SLC40A1: variants seen among roughly 807,000 people sequenced by gnomAD.
SLC40A1 encodes solute carrier family 40 member 1.
A neutral mutation model predicts 53.5 loss-of-function variants in SLC40A1; 16 were observed. The observed-to-expected ratio is 0.30, with a 90% confidence interval of 0.20 to 0.45. SLC40A1 has a LOEUF of 0.45. SLC40A1 is among the 20% of genes least tolerant of loss of function. SLC40A1 has a pLI of 1.00. For synonymous variants in SLC40A1, 247 were observed against 253.2 expected (o/e 0.98, Z 0.23); for missense variants, 545 against 695.4 (o/e 0.78, Z 2.43).
chr2:189,580,624 A>G lies in SLC40A1; in HGVS notation c.-164T>C, dbSNP rs953655979. The G allele has an allele frequency of 5.5e-5, 85 of 1,538,692 alleles. No homozygotes were observed. Among genetic ancestry groups the G allele is most frequent in the Non-Finnish European group, 7.1e-5 (82 of 1,147,978 alleles). On this transcript the variant is annotated 5_prime_UTR_variant, in exon 1 of 8. Coordinates refer to ENST00000261024, the MANE Select transcript of SLC40A1 (RefSeq NM_014585.6). ...CGACGACTTTGGCAAAGAACAAAAG[A>G]AAAGGGGCCCAGGGATTTTCTTTTT...
chr2:189,577,688 C>T (rs1405701434), intron 2 of SLC40A1, among the ~76,000 whole-genome samples: 1 of 147,960 alleles, frequency 6.8e-6, no homozygotes, highest in African/African-American at 2.5e-5. Flanking sequence ...GATCACAGCT[C>T]ACTGCAGCTT....
Position 189,580,544 on chromosome 2 carries a change from G to C in SLC40A1, c.-84C>G, listed in dbSNP as rs995432296. The C allele has an allele frequency of 6.2e-7, 1 of 1,606,990 alleles. No homozygotes were observed. Among genetic ancestry groups the C allele is most frequent in the Non-Finnish European group, 8.5e-7 (1 of 1,179,670 alleles). The stretch of plus-strand genomic sequence containing the variant: ...GAGGTGCTTGTTAACAGGAGTGCAA[G>C]GAACTGGAGATAGCACCTCTAAAAA... On this transcript the variant is annotated 5_prime_UTR_variant, in exon 1 of 8. Coordinates refer to ENST00000261024, the MANE Select transcript of SLC40A1 (RefSeq NM_014585.6).
rs777469896 is a variant in SLC40A1, at chr2:189,579,795, C to CTA, written c.111+16_111+17dup. The CTA allele has an allele frequency of 1.2e-6, 2 of 1,607,818 alleles. No homozygotes were observed. The highest frequency in any genetic ancestry group is 1.7e-6 in the Non-Finnish European group (2 of 1,174,348). ...AAAATTGCGCAACTGTGTTGTAAGA[C>CTA]TATGCATTCTCACTTACCCAAGTAG... On this transcript the variant is annotated intron_variant, in intron 2 of 7. Coordinates refer to ENST00000261024, the MANE Select transcript of SLC40A1 (RefSeq NM_014585.6).
chr2:189,562,796 G>C (rs910519010), intron 7 of SLC40A1, among the ~76,000 whole-genome samples: 2 of 151,806 alleles, frequency 1.3e-5, no homozygotes, highest in Non-Finnish European at 2.9e-5. Flanking sequence ...TTCCTTCCAG[G>C]GCTATAAAAT....
Position 189,570,888 on chromosome 2 carries a change from C to A in SLC40A1, c.514+827G>T, listed in dbSNP as rs138786528. 2.0e-4 allele frequency among the ~76,000 whole-genome samples: 30 copies of A among 152,264 alleles called. No individual in the cohort carries two copies. In the East Asian group the frequency reaches 2.9e-3, roughly 15 times the overall value. Reference sequence around the variant, plus strand: ...ACAGTTGGGCAATGTGTTTGTTATACCCATTATCTCAGTGATCAGCAGAGT... The same window carrying A: ...ACAGTTGGGCAATGTGTTTGTTATAACCATTATCTCAGTGATCAGCAGAGT... On this transcript the variant is annotated intron_variant, in intron 5 of 7. Coordinates refer to ENST00000261024, the MANE Select transcript of SLC40A1 (RefSeq NM_014585.6).
At chr2:189,562,882 C>G (rs1172563786) in intron 7 of SLC40A1, among the ~76,000 whole-genome samples, 2 of 151,910 alleles carry the variant, frequency 1.3e-5, no homozygotes, top group East Asian at 3.9e-4. Flanking sequence ...TTATCACTTT[C>G]ACATCTTCTT....
rs2304704 is a variant in SLC40A1 at position 189,565,451 on chromosome 2, A to G, written c.663T>C (p.Val221=). 0.62 allele frequency: 995,023 copies of G among 1,613,956 alleles called. 314,691 individuals carry two copies. Among genetic ancestry groups the G allele is most frequent in the East Asian group, 0.8 (35,975 of 44,870 alleles). Residue 221 remains valine (V), a synonymous_variant, in exon 6 of 8, where the codon GTT becomes GTC. Coordinates refer to ENST00000261024, the MANE Select transcript of SLC40A1 (RefSeq NM_014585.6). ...WNLVSMCVEY[V]LLWKVYQKTP... ...TTTTCTGGTAAACCTTCCAGAGCAGAACGTACTCCACGCACATGGATACCA... is the reference window on the plus strand; with the variant it reads ...TTTTCTGGTAAACCTTCCAGAGCAGGACGTACTCCACGCACATGGATACCA...
At chr2:189,569,715 C>T (rs2031060935) in intron 5 of SLC40A1, among the ~76,000 whole-genome samples, 1 of 152,216 alleles carries the variant, frequency 6.6e-6, no homozygotes, top group Non-Finnish European at 1.5e-5. Context: ...GCACCACTTA[C>T]TAAAAGCTAA....
At position 189,580,759 on chromosome 2, in the gene SLC40A1, G is replaced by C. The variant is rs1243962194; in HGVS notation, c.-299C>G. On this transcript the variant is annotated 5_prime_UTR_variant, in exon 1 of 8. Coordinates refer to ENST00000261024, the MANE Select transcript of SLC40A1 (RefSeq NM_014585.6). Reference sequence around the variant, plus strand: ...CGTCCGAGCCTAGCGGACGCCCTGAGCCAGCTCTCTCCGCCGCCGCCGCCG... The same window carrying C: ...CGTCCGAGCCTAGCGGACGCCCTGACCCAGCTCTCTCCGCCGCCGCCGCCG... 3.8e-6 allele frequency: 5 copies of C among 1,317,010 alleles called. No individual in the cohort carries two copies. The highest frequency in any genetic ancestry group is 4.8e-6 in the Non-Finnish European group (5 of 1,031,530). 81.6% of individuals were successfully genotyped at this position (1,317,010 alleles called of 1,614,324 possible).
intron 2 of SLC40A1, among the ~76,000 whole-genome samples, chr2:189,579,002 G>T (rs1281422883): frequency 6.6e-6 from 1 of 152,082 alleles, no homozygotes; most frequent in Non-Finnish European, 1.5e-5. Context: ...TATGAGCCAT[G>T]GACAGAATAT....
Position 189,563,706 on chromosome 2 carries a change from G to T in SLC40A1, c.1280C>A (p.Thr427Lys). Residue 427 changes from threonine to lysine, a missense_variant, in exon 7 of 8, where the codon ACA becomes AAA. Around this residue, in one of 4 missense-constraint regions of SLC40A1, gnomAD observed 234 missense variants for 299.0 expected, o/e 0.78. Transcript: ENST00000261024. ...SITPTKIPEITTEIYMSNGSN... is the reference protein window; with the variant it reads ...SITPTKIPEIKTEIYMSNGSN... ...CCCATTAGACATGTATATTTCAGTT[G>T]TAATTTCAGGTATCTTGGTAGGTGT... is the stretch of plus-strand genomic sequence containing the variant. The T allele has an allele frequency of 1.9e-6, 3 of 1,614,132 alleles. No homozygotes were observed. Among genetic ancestry groups the T allele is most frequent in the Non-Finnish European group, 2.5e-6 (3 of 1,179,994 alleles).
chr2:189,561,295 G>A lies in SLC40A1; in HGVS notation c.*583C>T, dbSNP rs569348005. The A allele has an allele frequency of 6.5e-6, 1 of 153,368 alleles. No homozygotes were observed. Among genetic ancestry groups the A allele is most frequent in the South Asian group, 2.1e-4 (1 of 4,876 alleles). 9.5% of individuals were successfully genotyped at this position (153,368 alleles called of 1,614,324 possible). A position where few individuals can be genotyped will look rare whatever the true frequency, so the allele number is the denominator to read the frequency against. On this transcript the variant is annotated 3_prime_UTR_variant, in exon 8 of 8. Transcript: ENST00000261024. ...CCCATCTGATAATAAAAATACAAAGGTGCTCTTTAAGCTAAACCATAAACC... is the reference window on the plus strand; with the variant it reads ...CCCATCTGATAATAAAAATACAAAGATGCTCTTTAAGCTAAACCATAAACC...
intron 3 of SLC40A1, among the ~76,000 whole-genome samples, chr2:189,574,475 G>A (rs939861999): frequency 6.6e-6 from 1 of 152,094 alleles, no homozygotes; most frequent in African/African-American, 2.4e-5. Flanking sequence ...ATCTAAGTCA[G>A]GCATGGTCAG....
chr2:189,564,834 T>C (rs1333709177), intron 6 of SLC40A1, among the ~76,000 whole-genome samples: 3 of 152,094 alleles, frequency 2.0e-5, no homozygotes, highest in South Asian at 2.1e-4. Flanking sequence ...AGCGAGACTC[T>C]GTCTCAAAAA....
chr2:189,573,513 C>T (rs1402198658), intron 3 of SLC40A1, among the ~76,000 whole-genome samples: 1 of 152,176 alleles, frequency 6.6e-6, no homozygotes, highest in Non-Finnish European at 1.5e-5. Context: ...CTACCCCTTC[C>T]ATCACAGATG....
intron 5 of SLC40A1, among the ~76,000 whole-genome samples, chr2:189,570,024 A>T (rs554594513): frequency 7.0e-6 from 1 of 142,890 alleles, no homozygotes; most frequent in Admixed American, 7.0e-5. Context: ...ACACACCTAT[A>T]TATGTATGTA....
intron 4 of SLC40A1, 60 bp downstream of exon 4, chr2:189,572,786 A>C (rs1401133795): frequency 1.2e-5 from 15 of 1,240,686 alleles, no homozygotes; most frequent in Non-Finnish European, 1.5e-5. Context: ...AAGCATTTTC[A>C]TCCTTTACCA....
At chr2:189,575,822 T>G (rs1439812) in intron 2 of SLC40A1, among the ~76,000 whole-genome samples, 33,973 of 152,128 alleles carry the variant, frequency 0.22, 4,118 homozygotes, top group Non-Finnish European at 0.27. Context: ...GATCTCCAAG[T>G]TTTCTTTCAT....
At chr2:189,562,856 C>A (rs1464957682) in intron 7 of SLC40A1, among the ~76,000 whole-genome samples, 1 of 151,870 alleles carries the variant, frequency 6.6e-6, no homozygotes, top group Non-Finnish European at 1.5e-5. Flanking sequence ...TAGAGAAGAC[C>A]TTTGAAGGAT....
Sources: allele counts gnomAD v4.1 joint callset (sites outside exome capture counted in the v4.1 genomes callset), GRCh38; gene constraint gnomAD v4.1.1; regional missense constraint gnomAD v4.1.1; transcripts MANE v1.5; gene names NCBI Gene and HGNC (gene_info 2026-07-23, HGNC 2026-07-21).